IMMP2L: variants seen among roughly 807,000 people sequenced by gnomAD.
IMMP2L encodes the protein inner mitochondrial membrane peptidase subunit 2.
A neutral mutation model predicts 19.3 loss-of-function variants in IMMP2L; 18 were observed. That is an observed-to-expected ratio of 0.93 (90% CI 0.64 to 1.38). The LOEUF (loss-of-function observed/expected upper bound fraction) is 1.38. Among genes scored for constraint, IMMP2L ranks in the 40% most tolerant of loss-of-function variants. IMMP2L has a pLI of 0.00. For missense variants in IMMP2L, 233 were observed against 218.2 expected (o/e 1.07, Z -0.43); for synonymous variants, 76 against 73.0 (o/e 1.04, Z -0.21).
intron 4 of IMMP2L, among the ~76,000 whole-genome samples, chr7:110,904,523 T>C (rs1812255596): frequency 6.6e-6 from 1 of 152,208 alleles, no homozygotes; most frequent in Non-Finnish European, 1.5e-5. Flanking sequence ...CCCCATTGTG[T>C]ATTCTTGGCA....
chr7:111,341,426 A>C (rs1358794259), intron 3 of IMMP2L, among the ~76,000 whole-genome samples: 6 of 152,164 alleles, frequency 3.9e-5, no homozygotes, highest in African/African-American at 1.4e-4. Flanking sequence ...TGTTTAAAAA[A>C]ACATAGTTAC....
Position 111,443,441 on chromosome 7 carries a change from G to C in IMMP2L, c.239+43797C>G, listed in dbSNP as rs139514479. 3.2e-4 allele frequency among the ~76,000 whole-genome samples: 49 copies of C among 152,250 alleles called. No homozygotes were observed. In the East Asian group the frequency reaches 8.7e-3, roughly 27 times the overall value. ...GAGGATAAAATCACAGTCACTCTTT[G>C]ACCCAAAATCAACTTAATTTCCAGA... On this transcript the variant is annotated intron_variant, in intron 3 of 5. Transcript: ENST00000405709.
At position 110,989,061 on chromosome 7, in the gene IMMP2L, C is replaced by G. The variant is rs561497010; in HGVS notation, c.240-25496G>C. Among the ~76,000 whole-genome samples the G allele has an allele frequency of 8.5e-5, 13 of 152,156 alleles. No homozygotes were observed. The East Asian group carries it at 2.5e-3, about 29-fold the overall frequency. On this transcript the variant is annotated intron_variant, in intron 3 of 5. Coordinates refer to ENST00000405709, the MANE Select transcript of IMMP2L (RefSeq NM_032549.4). The stretch of plus-strand genomic sequence containing the variant: ...CACCAGCCTGACCAACATGGAGAAA[C>G]CTCATCTCTGCTAAAAATACAAAAT...
At chr7:111,507,946 A>G (rs1845089767) in intron 2 of IMMP2L, among the ~76,000 whole-genome samples, 1 of 152,172 alleles carries the variant, frequency 6.6e-6, no homozygotes, top group African/African-American at 2.4e-5. Context: ...CTACTTGAGC[A>G]GTATTTGCTT....
intron 3 of IMMP2L, among the ~76,000 whole-genome samples, chr7:111,437,037 C>T (rs1837245761): frequency 6.6e-6 from 1 of 151,810 alleles, no homozygotes; most frequent in Non-Finnish European, 1.5e-5. Context: ...ACCTCCCCTA[C>T]CTTCATCATT....
At chr7:111,487,159 T>C in intron 3 of IMMP2L, 79 bp downstream of exon 3, 1 of 658,770 alleles carries the variant, frequency 1.5e-6, no homozygotes, top group Non-Finnish European at 2.7e-6. Context: ...AATATGATAT[T>C]AACAGTGGAT....
intron 3 of IMMP2L, among the ~76,000 whole-genome samples, chr7:111,022,725 A>G (rs1320215249): frequency 2.0e-5 from 3 of 152,242 alleles, no homozygotes; most frequent in Non-Finnish European, 2.9e-5. Context: ...ACAGAAGCAG[A>G]GAGGTCACTA....
intron 3 of IMMP2L, among the ~76,000 whole-genome samples, chr7:111,257,271 G>T (rs543959019): frequency 6.6e-6 from 1 of 152,098 alleles, no homozygotes; most frequent in African/African-American, 2.4e-5. Context: ...ATTAATAGGG[G>T]TGTTATTCAA....
At chr7:111,289,779 C>T (rs1820888551) in intron 3 of IMMP2L, among the ~76,000 whole-genome samples, 1 of 151,890 alleles carries the variant, frequency 6.6e-6, no homozygotes, top group African/African-American at 2.4e-5. Context: ...TCTGCCTCCC[C>T]AGCTCAAACT....
chr7:111,499,883 C>T (rs1218568367), intron 2 of IMMP2L, among the ~76,000 whole-genome samples: 1 of 152,110 alleles, frequency 6.6e-6, no homozygotes, highest in Non-Finnish European at 1.5e-5. Context: ...ATGAGCGACG[C>T]AGAAGACGGG....
chr7:111,353,922 T>C (rs186711498), intron 3 of IMMP2L, among the ~76,000 whole-genome samples: 24 of 152,212 alleles, frequency 1.6e-4, no homozygotes, highest in African/African-American at 4.3e-4. Flanking sequence ...CTGAAAACAT[T>C]TGAAATATCA....
At chr7:110,776,912 T>A (rs749782658) in intron 5 of IMMP2L, among the ~76,000 whole-genome samples, 22 of 152,036 alleles carry the variant, frequency 1.4e-4, no homozygotes, top group Non-Finnish European at 2.8e-4. Flanking sequence ...TAAAAAAATG[T>A]TTGTCTTCCC....
At chr7:110,814,433 A>G (rs984776297) in intron 5 of IMMP2L, among the ~76,000 whole-genome samples, 5 of 151,130 alleles carry the variant, frequency 3.3e-5, no homozygotes, top group Non-Finnish European at 7.4e-5. Context: ...CAAAGTAAAA[A>G]AAAAAAAACT....
chr7:111,392,549 G>GA (rs1832463199), intron 3 of IMMP2L, among the ~76,000 whole-genome samples: 1 of 152,114 alleles, frequency 6.6e-6, no homozygotes, highest in African/African-American at 2.4e-5. Flanking sequence ...CATCAAGTGA[G>GA]AAGTGTTTTT....
chr7:111,006,269 C>T (rs1025249660), intron 3 of IMMP2L, among the ~76,000 whole-genome samples: 2 of 151,988 alleles, frequency 1.3e-5, no homozygotes, highest in African/African-American at 4.8e-5. Flanking sequence ...ACTCTTGACT[C>T]AATGTGAAAA....
intron 5 of IMMP2L, among the ~76,000 whole-genome samples, chr7:110,829,215 A>T (rs965061839): frequency 3.9e-5 from 6 of 152,164 alleles, no homozygotes; most frequent in Non-Finnish European, 7.4e-5. Context: ...TGCTAAAGCT[A>T]AACTCCCCAA....
intron 3 of IMMP2L, among the ~76,000 whole-genome samples, chr7:111,235,971 C>A (rs1814261123): frequency 6.6e-6 from 1 of 152,010 alleles, no homozygotes; most frequent in African/African-American, 2.4e-5. Context: ...CAGATCCATC[C>A]AGCAAATTTT....
chr7:110,840,182 G>A lies in IMMP2L; in HGVS notation c.408+46411C>T, dbSNP rs1804926798. Among the ~76,000 whole-genome samples, 4 of 152,212 alleles carry A rather than the reference G, an allele frequency of 2.6e-5. 1 individual carries two copies. The South Asian group carries it at 8.3e-4, about 32-fold the overall frequency. On this transcript the variant is annotated intron_variant, in intron 5 of 5. Transcript: ENST00000405709. ...CAACTGAAGCTCTTTGTAGGTCCTGGTAGTATCTCCCCACTTTCACCCTCA... is the reference window on the plus strand; with the variant it reads ...CAACTGAAGCTCTTTGTAGGTCCTGATAGTATCTCCCCACTTTCACCCTCA...
chr7:111,130,050 T>C (rs1190722040), intron 3 of IMMP2L, among the ~76,000 whole-genome samples: 1 of 152,142 alleles, frequency 6.6e-6, no homozygotes, highest in Admixed American at 6.6e-5. Context: ...AAACAGAACA[T>C]GATTCCTTTT....
Sources: gnomAD v4.1 joint callset for allele counts (sites outside exome capture counted in the v4.1 genomes callset) on GRCh38, gnomAD v4.1.1 for gene constraint, MANE v1.5 for transcripts, NCBI Gene and HGNC (gene_info 2026-07-23, HGNC 2026-07-21) for gene names.